The following LSM8 variants were observed in gnomAD, a reference collection of about 807,000 sequenced individuals.
LSM8 encodes LSM8 homolog, U6 small nuclear RNA associated.
LSM8 carries 14 observed loss-of-function variants against 15.0 expected under a neutral mutation model. The ratio of observed to expected loss-of-function variants is 0.93; its 90% CI spans 0.62 to 1.46. The LOEUF is 1.46. Among genes scored for constraint, LSM8 ranks in the 40% most tolerant of loss-of-function variants. The pLI is 0.00. For missense variants in LSM8, 90 were observed against 115.4 expected (o/e 0.78, Z 1.01); for synonymous variants, 50 against 42.1 (o/e 1.19, Z -0.73).
At position 118,199,825 on chromosome 7, in the gene LSM8, T is replaced by C. The variant is rs187062210; in HGVS notation, c.*7823T>C. 1.9e-4 allele frequency among the ~76,000 whole-genome samples: 29 copies of C among 152,206 alleles called. No individual in the cohort carries two copies. The South Asian group carries it at 5.8e-3, about 30-fold the overall frequency. On this transcript the variant is annotated 3_prime_UTR_variant, in exon 4 of 4. Coordinates refer to ENST00000249299, the MANE Select transcript of LSM8 (RefSeq NM_016200.5). ...ATGTATTGGGTGATATGAGAGCCCA[T>C]AGGAGAGACATCTAAAGTTTAATAG...
chr7:118,187,255 A>G (rs1808903863), intron 2 of LSM8, among the ~76,000 whole-genome samples: 1 of 152,230 alleles, frequency 6.6e-6, no homozygotes, highest in African/African-American at 2.4e-5. Flanking sequence ...AAACAGTTTA[A>G]GAACTTGAGA....
At position 118,203,310 on chromosome 7, in the gene LSM8, TCA is replaced by T. The variant is rs1312108999; in HGVS notation, c.*11311_*11312del. The stretch of plus-strand genomic sequence containing the variant: ...AAGAAATATAAACCCCTTTTAAAAC[TCA>T]CATAATTTTCCCATTTCCCTTGAAG... On this transcript the variant is annotated 3_prime_UTR_variant, in exon 4 of 4. Coordinates refer to ENST00000249299, the MANE Select transcript of LSM8 (RefSeq NM_016200.5). Among the ~76,000 whole-genome samples, 1 of 151,848 alleles carries T rather than the reference TCA, an allele frequency of 6.6e-6. No homozygotes were observed. Among genetic ancestry groups the T allele is most frequent in the Non-Finnish European group, 1.5e-5 (1 of 67,824 alleles).
In LSM8 at chr7:118,196,740, A is replaced by ATTT. The variant is rs1474927135; in HGVS notation, c.*4739_*4741dup. ...TATTTATTTATTTATTTATTTATTT[A>ATTT]TTTATTTTTGAGACACTTCTTGCTC... On this transcript the variant is annotated 3_prime_UTR_variant, in exon 4 of 4. Transcript: ENST00000249299. Among the ~76,000 whole-genome samples, 4 of 71,828 alleles carry ATTT rather than the reference A, an allele frequency of 5.6e-5. No homozygotes were observed. The highest frequency in any genetic ancestry group is 1.6e-4 in the African/African-American group (4 of 24,474). The allele number at this position is 71,828 out of a possible 152,430, so 47.1% of individuals were successfully genotyped here. A position where few individuals can be genotyped will look rare whatever the true frequency, so the allele number is the denominator to read the frequency against.
intron 1 of LSM8, 122 bp from the exon 2 acceptor site, chr7:118,185,532 G>A: frequency 1.2e-6 from 1 of 825,950 alleles, no homozygotes; most frequent in Non-Finnish European, 2.0e-6. Context: ...TGAACTTAGT[G>A]GCTGTGTTGA....
chr7:118,189,740 A>T (rs1354314203), intron 3 of LSM8: 1 of 152,178 alleles, frequency 6.6e-6, no homozygotes, highest in Non-Finnish European at 1.5e-5. Context: ...GCATGCCTGT[A>T]ATCCCAGCTA....
In LSM8 at chr7:118,184,266, C is replaced by G. The variant is rs372301449; in HGVS notation, c.31+12C>G. The G allele has an allele frequency of 1.3e-5, 20 of 1,486,402 alleles. No individual in the cohort carries two copies. The African/African-American group carries it at 2.3e-4, about 17-fold the overall frequency. The allele number at this position is 1,486,402 out of a possible 1,614,324, so 92.1% of individuals were successfully genotyped here. A position where few individuals can be genotyped will look rare whatever the true frequency, so the allele number is the denominator to read the frequency against. ...GAACTACATCAACCGTATCCTCAAGCTGGCCGCCGCGGGCGTGAGCCGGGG... is the reference window on the plus strand; with the variant it reads ...GAACTACATCAACCGTATCCTCAAGGTGGCCGCCGCGGGCGTGAGCCGGGG... On this transcript the variant is annotated intron_variant, in intron 1 of 3. Coordinates refer to ENST00000249299, the MANE Select transcript of LSM8 (RefSeq NM_016200.5).
At position 118,202,328 on chromosome 7, in the gene LSM8, TCA is replaced by T. The variant is rs1809184210; in HGVS notation, c.*10327_*10328del. Among the ~76,000 whole-genome samples, 5 of 151,952 alleles carry T rather than the reference TCA, an allele frequency of 3.3e-5. No individual in the cohort carries two copies. The highest frequency in any genetic ancestry group is 3.3e-4 in the Admixed American group (5 of 15,228). On this transcript the variant is annotated 3_prime_UTR_variant, in exon 4 of 4. Coordinates refer to ENST00000249299, the MANE Select transcript of LSM8 (RefSeq NM_016200.5). ...AGTGGCTTTAACAGGCAGGAGGAGTTCATTTATCTCGAGAGAAAAGAACAGAA... is the reference window on the plus strand; with the variant it reads ...AGTGGCTTTAACAGGCAGGAGGAGTTTTTATCTCGAGAGAAAAGAACAGAA...
rs1809136465 is a variant in LSM8 at position 118,199,556 on chromosome 7, T to C, written c.*7554T>C. Among the ~76,000 whole-genome samples, 1 of 152,144 alleles carries C rather than the reference T, an allele frequency of 6.6e-6. No individual in the cohort carries two copies. Among genetic ancestry groups the C allele is most frequent in the Non-Finnish European group, 1.5e-5 (1 of 68,018 alleles). On this transcript the variant is annotated 3_prime_UTR_variant, in exon 4 of 4. Transcript: ENST00000249299. ...GAGTTTCAAAAGATGTACATAAATT[T>C]ATGGAAAGGAAATTTTGGAATGGTG...
rs1562865006 is a variant in LSM8, at chr7:118,199,417, C to T, written c.*7415C>T. ...GGATGCATTGAACAGAATTGGTAAC[C>T]TGAAGGAGAAACTGGAGGCAAATTG... is the stretch of plus-strand genomic sequence containing the variant. On this transcript the variant is annotated 3_prime_UTR_variant, in exon 4 of 4. Transcript: ENST00000249299. Among the ~76,000 whole-genome samples the T allele has an allele frequency of 6.6e-6, 1 of 152,090 alleles. No homozygotes were observed. The highest frequency in any genetic ancestry group is 2.4e-5 in the African/African-American group (1 of 41,408).
chr7:118,194,429 C>T lies in LSM8; in HGVS notation c.*2427C>T, dbSNP rs1252012670. ...GTTTAAAATAACATTGCTTTTATGT[C>T]AAAGCACTTTGGTAACTTGGCCTCA... On this transcript the variant is annotated 3_prime_UTR_variant, in exon 4 of 4. Coordinates refer to ENST00000249299, the MANE Select transcript of LSM8 (RefSeq NM_016200.5). Among the ~76,000 whole-genome samples the T allele has an allele frequency of 6.6e-6, 1 of 151,686 alleles. No homozygotes were observed. The highest frequency in any genetic ancestry group is 1.9e-4 in the East Asian group (1 of 5,170).
At position 118,197,647 on chromosome 7, in the gene LSM8, G is replaced by A. The variant is rs1263405230; in HGVS notation, c.*5645G>A. Among the ~76,000 whole-genome samples the A allele has an allele frequency of 6.6e-6, 1 of 151,796 alleles. No individual in the cohort carries two copies. The highest frequency in any genetic ancestry group is 2.4e-5 in the African/African-American group (1 of 41,346). On this transcript the variant is annotated 3_prime_UTR_variant, in exon 4 of 4. Coordinates refer to ENST00000249299, the MANE Select transcript of LSM8 (RefSeq NM_016200.5). ...AAAATAGCTCTCTGAATCTGACTTGGATAAGCTTTATTTTAATTGTGATTC... is the reference window on the plus strand; with the variant it reads ...AAAATAGCTCTCTGAATCTGACTTGAATAAGCTTTATTTTAATTGTGATTC...
At position 118,199,022 on chromosome 7, in the gene LSM8, C is replaced by G. The variant is rs761131932; in HGVS notation, c.*7020C>G. Among the ~76,000 whole-genome samples the G allele has an allele frequency of 5.3e-5, 8 of 152,200 alleles. No individual in the cohort carries two copies. Among genetic ancestry groups the G allele is most frequent in the Non-Finnish European group, 1.0e-4 (7 of 68,034 alleles). On this transcript the variant is annotated 3_prime_UTR_variant, in exon 4 of 4. Coordinates refer to ENST00000249299, the MANE Select transcript of LSM8 (RefSeq NM_016200.5). The stretch of plus-strand genomic sequence containing the variant: ...AATACTTTGCATGTGTTGGTAAACA[C>G]CGTTGCTGAACTAGGTGCTGTCTGT...
chr7:118,185,765 T>A, intron 2 of LSM8, 71 bp downstream of exon 2: 1 of 1,377,326 alleles, frequency 7.3e-7, no homozygotes, highest in Middle Eastern at 1.8e-4. Flanking sequence ...GTGAAACCTC[T>A]AATCTCTAAT....
rs1298922134 is a variant in LSM8 at position 118,194,516 on chromosome 7, T to C, written c.*2514T>C. 2.0e-5 allele frequency among the ~76,000 whole-genome samples: 3 copies of C among 152,136 alleles called. No homozygotes were observed. Among genetic ancestry groups the C allele is most frequent in the Non-Finnish European group, 2.9e-5 (2 of 68,000 alleles). The stretch of plus-strand genomic sequence containing the variant: ...ATCCCAGAAGAGCAAGAGAGAAAGT[T>C]TTACTAATATTTGCTTAAACATCCT... On this transcript the variant is annotated 3_prime_UTR_variant, in exon 4 of 4. Coordinates refer to ENST00000249299, the MANE Select transcript of LSM8 (RefSeq NM_016200.5).
intron 3 of LSM8, chr7:118,191,451 G>C (rs1325779327): frequency 6.6e-6 from 1 of 152,456 alleles, no homozygotes; most frequent in Non-Finnish European, 1.5e-5. Context: ...TCTAATCGCT[G>C]TTGTCTATAT....
rs754168670 is a variant in LSM8 at position 118,188,370 on chromosome 7, G to T, written c.165G>T (p.Val55=). 2 of 1,613,052 alleles carry T rather than the reference G, an allele frequency of 1.2e-6. No individual in the cohort carries two copies. The highest frequency in any genetic ancestry group is 2.2e-5 in the South Asian group (2 of 91,064). ...VFSSSQGVEQ[V]VLGLYIVRGD... is the part of the protein sequence containing the mutation. ...GCTCTTCACAGGGGGTAGAACAAGT[G>T]GTACTAGGATTATACATTGTAAGAG... The change falls in exon 3 of 4, where the codon GTG becomes GTT. Residue 55 remains valine (V), a synonymous_variant. Transcript: ENST00000249299.
Position 118,184,307 on chromosome 7 carries a change from G to T in LSM8, c.31+53G>T, listed in dbSNP as rs567491502. On this transcript the variant is annotated intron_variant, in intron 1 of 3. Coordinates refer to ENST00000249299, the MANE Select transcript of LSM8 (RefSeq NM_016200.5). ...TGAGCCGGGGTCGCGGAGAGGCCGC[G>T]GTCGGGGATCGGTGGGAGGTTGGGA... The T allele has an allele frequency of 3.5e-6, 5 of 1,443,124 alleles. No homozygotes were observed. In the South Asian group the frequency reaches 6.9e-5, roughly 20 times the overall value. 89.4% of individuals were successfully genotyped at this position (1,443,124 alleles called of 1,614,324 possible).
chr7:118,199,880 C>G lies in LSM8; in HGVS notation c.*7878C>G, dbSNP rs530092448. Among the ~76,000 whole-genome samples the G allele has an allele frequency of 6.6e-6, 1 of 151,974 alleles. No homozygotes were observed. The highest frequency in any genetic ancestry group is 1.5e-5 in the Non-Finnish European group (1 of 67,986). ...ACTAGGCTGGACTGAGTGGTGAATA[C>G]GTTGATATAGCAATTTAATAAATGT... On this transcript the variant is annotated 3_prime_UTR_variant, in exon 4 of 4. Transcript: ENST00000249299.
At chr7:118,187,004 T>C (rs1440158514) in intron 2 of LSM8, among the ~76,000 whole-genome samples, 1 of 152,240 alleles carries the variant, frequency 6.6e-6, no homozygotes, top group African/African-American at 2.4e-5. Context: ...ATAAAAAGCA[T>C]CTTAAGTTCT....
Sources: gnomAD v4.1 joint callset for allele counts (sites outside exome capture counted in the v4.1 genomes callset) on GRCh38, gnomAD v4.1.1 for gene constraint, MANE v1.5 for transcripts, NCBI Gene and HGNC (gene_info 2026-07-23, HGNC 2026-07-21) for gene names.